Variants in EPHB1 observed in about 807,000 individuals in gnomAD.
The protein encoded by EPHB1 is EPH receptor B1.
In EPHB1, 30 loss-of-function variants were observed where a neutral mutation model predicts 94.4. The ratio of observed to expected loss-of-function variants is 0.32; its 90% CI spans 0.24 to 0.43. EPHB1 has a LOEUF of 0.43. EPHB1 is among the 20% of genes least tolerant of loss of function. The pLI, the probability that EPHB1 is intolerant of heterozygous loss-of-function variation, is 1.00. For missense variants in EPHB1, 1,055 were observed against 1,308.3 expected (o/e 0.81, Z 2.99); for synonymous variants, 522 against 489.1 (o/e 1.07, Z -0.89).
At chr3:135,134,229 T>C (rs1940530553) in intron 5 of EPHB1, among the ~76,000 whole-genome samples, 1 of 152,204 alleles carries the variant, frequency 6.6e-6, no homozygotes, top group Non-Finnish European at 1.5e-5. Flanking sequence ...AGCTTGTTAG[T>C]AGAATAGCAG....
At chr3:135,245,160 G>A (rs1239996168) in intron 13 of EPHB1, among the ~76,000 whole-genome samples, 2 of 152,158 alleles carry the variant, frequency 1.3e-5, no homozygotes, top group South Asian at 2.1e-4. Context: ...AGACACAGCC[G>A]TAATGACACC....
intron 3 of EPHB1, among the ~76,000 whole-genome samples, chr3:134,962,201 G>T (rs73214129): frequency 0.02 from 3,082 of 152,218 alleles, 46 homozygotes; most frequent in Middle Eastern, 0.041. Flanking sequence ...GCATCCCATT[G>T]TTGTTACCAT....
intron 3 of EPHB1, among the ~76,000 whole-genome samples, chr3:134,992,588 G>A (rs141116689): frequency 2.3e-3 from 352 of 152,340 alleles, no homozygotes; most frequent in Non-Finnish European, 4.2e-3. Context: ...CACAGCGGAA[G>A]GGTCTTTCCT....
chr3:134,919,204 T>G lies in EPHB1; in HGVS notation c.59-6612T>G, dbSNP rs1343919247. Among the ~76,000 whole-genome samples, 3 of 152,248 alleles carry G rather than the reference T, an allele frequency of 2.0e-5. 1 individual carries two copies. In the South Asian group the frequency reaches 6.2e-4, roughly 31 times the overall value. On this transcript the variant is annotated intron_variant, in intron 1 of 15. Coordinates refer to ENST00000398015, the MANE Select transcript of EPHB1 (RefSeq NM_004441.5). ...AGAGGAAGGAATCAAAACTAAATGC[T>G]GCTGAAGTTTCACAGCTGGGCCCCA...
At chr3:134,933,780 A>G (rs2038947687) in intron 2 of EPHB1, among the ~76,000 whole-genome samples, 1 of 152,154 alleles carries the variant, frequency 6.6e-6, no homozygotes, top group Non-Finnish European at 1.5e-5. Context: ...AATGCTACCC[A>G]TCGTGGTATC....
At chr3:134,866,878 T>C (rs1350435669) in intron 1 of EPHB1, among the ~76,000 whole-genome samples, 1 of 152,204 alleles carries the variant, frequency 6.6e-6, no homozygotes, top group Non-Finnish European at 1.5e-5. Context: ...GGGGAGCAGA[T>C]ACCCTCTTGC....
chr3:135,107,078 A>G (rs1026266027), intron 4 of EPHB1, among the ~76,000 whole-genome samples: 1 of 152,204 alleles, frequency 6.6e-6, no homozygotes, highest in Non-Finnish European at 1.5e-5. Context: ...TACCAAATGA[A>G]GACTATTGTG....
chr3:135,239,458 C>T (rs528430267), intron 12 of EPHB1, among the ~76,000 whole-genome samples: 2 of 152,224 alleles, frequency 1.3e-5, no homozygotes, highest in East Asian at 3.9e-4. Context: ...AGGGAGCTGC[C>T]GTCCCTGCTC....
At chr3:134,904,937 G>T (rs891470684) in intron 1 of EPHB1, among the ~76,000 whole-genome samples, 1 of 152,188 alleles carries the variant, frequency 6.6e-6, no homozygotes, top group Admixed American at 6.5e-5. Flanking sequence ...AGGGGAGCGG[G>T]CTTTGCACCA....
At chr3:135,031,700 A>G (rs1487511431) in intron 3 of EPHB1, among the ~76,000 whole-genome samples, 1 of 152,176 alleles carries the variant, frequency 6.6e-6, no homozygotes, top group Non-Finnish European at 1.5e-5. Flanking sequence ...AAAATTCTAT[A>G]ATAATAACAA....
intron 3 of EPHB1, among the ~76,000 whole-genome samples, chr3:135,103,211 A>T (rs1294518823): frequency 1.3e-5 from 2 of 152,242 alleles, no homozygotes; most frequent in African/African-American, 2.4e-5. Context: ...AAATTAAGGC[A>T]TGCCTAGACA....
At chr3:135,101,746 G>A (rs1427346566) in intron 3 of EPHB1, among the ~76,000 whole-genome samples, 1 of 152,150 alleles carries the variant, frequency 6.6e-6, no homozygotes, top group African/African-American at 2.4e-5. Context: ...CATAAGTGTG[G>A]TTACAAATTA....
intron 3 of EPHB1, among the ~76,000 whole-genome samples, chr3:135,035,392 G>T (rs1936613135): frequency 6.6e-6 from 1 of 152,200 alleles, no homozygotes; most frequent in South Asian, 2.1e-4. Flanking sequence ...GAGGGAGAAG[G>T]TAGACTTGCT....
intron 1 of EPHB1, among the ~76,000 whole-genome samples, chr3:134,827,061 A>G (rs2036493051): frequency 1.3e-5 from 2 of 152,256 alleles, no homozygotes; most frequent in South Asian, 4.1e-4. Context: ...AGAATGCTGC[A>G]GCATCTCCTG....
intron 4 of EPHB1, among the ~76,000 whole-genome samples, chr3:135,111,871 G>C (rs557488651): frequency 3.9e-5 from 6 of 152,120 alleles, no homozygotes; most frequent in Non-Finnish European, 8.8e-5. Flanking sequence ...GTAGAGATGG[G>C]GTTTCACCAT....
chr3:135,065,528 A>G (rs1353938809), intron 3 of EPHB1, among the ~76,000 whole-genome samples: 2 of 152,134 alleles, frequency 1.3e-5, no homozygotes, highest in African/African-American at 4.8e-5. Flanking sequence ...TTTTGGTGTC[A>G]ATTTGCATGA....
intron 12 of EPHB1, among the ~76,000 whole-genome samples, chr3:135,214,706 G>T (rs957165882): frequency 4.6e-5 from 7 of 152,188 alleles, no homozygotes; most frequent in Non-Finnish European, 1.0e-4. Context: ...GCTTCCAGGA[G>T]AGAGCATGCA....
intron 1 of EPHB1, among the ~76,000 whole-genome samples, chr3:134,884,606 T>C (rs2037825955): frequency 1.3e-5 from 2 of 152,192 alleles, no homozygotes; most frequent in Non-Finnish European, 2.9e-5. Flanking sequence ...ATATCAAAAA[T>C]TGGCATAAAT....
At chr3:134,994,411 C>A (rs945940683) in intron 3 of EPHB1, among the ~76,000 whole-genome samples, 4 of 152,332 alleles carry the variant, frequency 2.6e-5, no homozygotes, top group African/African-American at 9.6e-5. Flanking sequence ...CCCACTGATG[C>A]CACATCCCCA....
Sources: gnomAD v4.1 joint callset for allele counts (sites outside exome capture counted in the v4.1 genomes callset) on GRCh38, gnomAD v4.1.1 for gene constraint, MANE v1.5 for transcripts, NCBI Gene and HGNC (gene_info 2026-07-23, HGNC 2026-07-21) for gene names.